The following LYZL1 variants were observed in gnomAD, a reference collection of about 807,000 sequenced individuals.
LYZL1 encodes lysozyme like 1.
Under a neutral mutation model 17.9 loss-of-function variants are expected in LYZL1, and 16 were observed. The ratio of observed to expected loss-of-function variants is 0.90; its 90% CI spans 0.61 to 1.36. The LOEUF (loss-of-function observed/expected upper bound fraction) is 1.36, where lower values mean the gene tolerates loss of function less well. Among genes scored for constraint, LYZL1 ranks in the 40% most tolerant of loss-of-function variants. The pLI, the probability that LYZL1 is intolerant of heterozygous loss-of-function variation, is 0.00. For missense variants in LYZL1, 149 were observed against 188.4 expected (o/e 0.79, Z 1.22); for synonymous variants, 58 against 71.8 (o/e 0.81, Z 0.97).
intron 3 of LYZL1, among the ~76,000 whole-genome samples, chr10:29,306,549 C>CAAAAAAA (rs58001118): frequency 2.5e-4 from 12 of 48,802 alleles, no homozygotes; most frequent in Non-Finnish European, 3.2e-4. Flanking sequence ...GACTCCGTCT[C>CAAAAAAA]AAAAAAAAAA....
intron 3 of LYZL1, among the ~76,000 whole-genome samples, chr10:29,294,121 C>T (rs1308367759): frequency 6.6e-6 from 1 of 151,868 alleles, no homozygotes; most frequent in African/African-American, 2.4e-5. Flanking sequence ...CAAAGAGGTG[C>T]CTGTGGGAAG....
intron 3 of LYZL1, among the ~76,000 whole-genome samples, chr10:29,308,572 G>C (rs1835627428): frequency 6.6e-6 from 1 of 152,218 alleles, no homozygotes; most frequent in Non-Finnish European, 1.5e-5. Context: ...TTTGTGTTGA[G>C]AAGGATTCTG....
At chr10:29,313,928 A>T (rs1835701061), downstream of LYZL1, among the ~76,000 whole-genome samples, 2 of 151,920 alleles carry the variant, frequency 1.3e-5, no homozygotes, top group African/African-American at 4.8e-5. Flanking sequence ...TTCTGTGGGG[A>T]CTCAGCTCTG....
intron 3 of LYZL1, among the ~76,000 whole-genome samples, chr10:29,308,837 T>A (rs754814301): frequency 6.6e-6 from 1 of 151,852 alleles, no homozygotes; most frequent in African/African-American, 2.4e-5. Flanking sequence ...TGGTGGCCCA[T>A]GCCTGTAGTC....
At chr10:29,310,036 GAAGTA>G (rs931885290) in intron 3 of LYZL1, 69 bp from the exon 4 acceptor site, 1 of 1,036,326 alleles carries the variant, frequency 9.6e-7, no homozygotes, top group African/African-American at 1.6e-5. Flanking sequence ...TGAGAAAAGT[GAAGTA>G]AAGTTGAGTT....
chr10:29,289,844 C>T lies in LYZL1; in HGVS notation c.-26+614C>T, dbSNP rs142403433. On this transcript the variant is annotated intron_variant, in intron 1 of 4. Transcript: ENST00000649382. ...AATATGTTAGGCTTTGTGGTCTATA[C>T]GGCCTCAAACACAATTACTGAACTC... 4.7e-4 allele frequency among the ~76,000 whole-genome samples: 71 copies of T among 152,284 alleles called. 2 individuals are homozygous for T. The East Asian group carries it at 0.01, about 22-fold the overall frequency.
chr10:29,294,795 A>G (rs1290637205), intron 3 of LYZL1, among the ~76,000 whole-genome samples: 1 of 152,188 alleles, frequency 6.6e-6, no homozygotes, highest in African/African-American at 2.4e-5. Context: ...TGATGCCTGA[A>G]ACTGCAGATA....
chr10:29,289,462 A>G (rs1475722191), intron 1 of LYZL1, among the ~76,000 whole-genome samples: 1 of 139,568 alleles, frequency 7.2e-6, no homozygotes, highest in Non-Finnish European at 1.5e-5. Context: ...TCTGCTGCCC[A>G]GGCTGGAGTG....
At chr10:29,299,687 C>A (rs1222348918) in intron 3 of LYZL1, among the ~76,000 whole-genome samples, 1 of 152,206 alleles carries the variant, frequency 6.6e-6, no homozygotes, top group Non-Finnish European at 1.5e-5. Context: ...CTCCTTAACT[C>A]TGGTACTATT....
intron 3 of LYZL1, among the ~76,000 whole-genome samples, chr10:29,293,590 G>C (rs1037709736): frequency 4.6e-5 from 7 of 152,194 alleles, no homozygotes; most frequent in African/African-American, 1.7e-4. Context: ...GACATGACAA[G>C]AAAAGAGAAT....
chr10:29,311,014 G>A lies in LYZL1; in HGVS notation c.402G>A (p.Glu134=), dbSNP rs1468256857. 9.9e-6 allele frequency: 16 copies of A among 1,614,184 alleles called. No homozygotes were observed. The highest frequency in any genetic ancestry group is 2.7e-5 in the African/African-American group (2 of 75,046). Residue 134 remains glutamate (E), a synonymous_variant, in exon 5 of 5, where the codon GAG becomes GAA. Transcript: ENST00000649382. Reference sequence around the variant, plus strand: ...GGCAAGGCTGGAAGAAACATTGTGAGGGCAGAGACCTGTCCGAGTGGAAAA... The same window carrying A: ...GGCAAGGCTGGAAGAAACATTGTGAAGGCAGAGACCTGTCCGAGTGGAAAA... ...NYWQGWKKHC[E]GRDLSEWKKG... is the part of the protein sequence containing the mutation.
At chr10:29,311,439 A>G (rs1389191301), downstream of LYZL1, among the ~76,000 whole-genome samples, 1 of 152,006 alleles carries the variant, frequency 6.6e-6, no homozygotes, top group Non-Finnish European at 1.5e-5. Context: ...CAGAAGGGTG[A>G]GGTTAGGAAC....
At chr10:29,308,882 T>C (rs1835632904) in intron 3 of LYZL1, among the ~76,000 whole-genome samples, 1 of 152,156 alleles carries the variant, frequency 6.6e-6, no homozygotes, top group Non-Finnish European at 1.5e-5. Flanking sequence ...GGAGGATCAC[T>C]TAAGCCCAGG....
At chr10:29,311,918 C>T (rs12251295), downstream of LYZL1, among the ~76,000 whole-genome samples, 15,229 of 151,910 alleles carry the variant, frequency 0.1, 1,004 homozygotes, top group African/African-American at 0.19. Flanking sequence ...GAGATCATGC[C>T]GCTGTACTCC....
At chr10:29,316,791 A>G (rs1835738608) in intron 3 of LYZL1, among the ~76,000 whole-genome samples, 2 of 144,660 alleles carry the variant, frequency 1.4e-5, no homozygotes, top group Non-Finnish European at 3.0e-5. Flanking sequence ...ATCTTGGCTC[A>G]CTGCAGCCTC....
chr10:29,293,966 T>G (rs1835413049), intron 3 of LYZL1, among the ~76,000 whole-genome samples: 1 of 150,176 alleles, frequency 6.7e-6, no homozygotes, highest in Admixed American at 6.6e-5. Flanking sequence ...AGAGAAAGAC[T>G]CTGTCTCAAA....
chr10:29,306,796 A>ATGTT (rs1256883213), intron 3 of LYZL1, among the ~76,000 whole-genome samples: 1 of 141,086 alleles, frequency 7.1e-6, no homozygotes, highest in Non-Finnish European at 1.5e-5. Flanking sequence ...CCGCTTATGT[A>ATGTT]TGTGTGTGTG....
At chr10:29,313,966 C>T (rs1035420320), downstream of LYZL1, among the ~76,000 whole-genome samples, 2 of 152,220 alleles carry the variant, frequency 1.3e-5, no homozygotes, top group Non-Finnish European at 2.9e-5. Context: ...CTCCCACTCC[C>T]CCAGCATCTG....
chr10:29,313,162 G>C (rs1221980499), downstream of LYZL1, among the ~76,000 whole-genome samples: 1 of 152,160 alleles, frequency 6.6e-6, no homozygotes, highest in East Asian at 1.9e-4. Flanking sequence ...GTCATCCTGG[G>C]ACAATTTAAC....
Sources: gnomAD v4.1 joint callset for allele counts (sites outside exome capture counted in the v4.1 genomes callset) on GRCh38, gnomAD v4.1.1 for gene constraint, MANE v1.5 for transcripts, NCBI Gene and HGNC (gene_info 2026-07-23, HGNC 2026-07-21) for gene names.